Variants in SOCS2 observed in about 807,000 individuals in gnomAD.
The protein encoded by SOCS2 is suppressor of cytokine signaling 2, also known as CIS-2.
Under a neutral mutation model 18.6 loss-of-function variants are expected in SOCS2, and 10 were observed. The observed-to-expected ratio is 0.54, with a 90% CI of 0.33 to 0.91. The LOEUF (loss-of-function observed/expected upper bound fraction) is 0.91. Among genes scored for constraint, SOCS2 ranks in the 40% least tolerant of loss-of-function variants. The probability of loss-of-function intolerance (pLI) is 0.02; values close to 1 mark genes in which losing one functional copy is unlikely to be tolerated. For synonymous variants in SOCS2, 104 were observed against 104.0 expected (o/e 1.00, Z 0.00); for missense variants, 231 against 247.2 (o/e 0.93, Z 0.44).
At chr12:93,600,347 C>T in the SOCS2 span, among the ~76,000 whole-genome samples, 1 of 151,844 alleles carries the variant, frequency 6.6e-6, no homozygotes, top group African/African-American at 2.4e-5. Context: ...TTCTATTTGT[C>T]CGTCTCCACA....
chr12:93,623,723 T>G, the SOCS2 span, among the ~76,000 whole-genome samples: 6 of 152,170 alleles, frequency 3.9e-5, no homozygotes, highest in African/African-American at 1.4e-4. Flanking sequence ...TTTTTTTTTT[T>G]TGAGACAGGG....
downstream of SOCS2, among the ~76,000 whole-genome samples, chr12:93,584,150 GAAC>G (rs1592838252): frequency 6.6e-6 from 1 of 152,174 alleles, no homozygotes; most frequent in East Asian, 1.9e-4. Context: ...CAGGGAGACA[GAAC>G]AATAGAAAAG....
chr12:93,573,160 C>A, intron 1 of SOCS2, 124 bp downstream of exon 1: 1 of 1,271,376 alleles, frequency 7.9e-7, no homozygotes, highest in East Asian at 2.5e-5. Flanking sequence ...TTCCAAGGGA[C>A]CGCGGAGAGC....
At chr12:93,602,908 T>C in the SOCS2 span, among the ~76,000 whole-genome samples, 1 of 152,178 alleles carries the variant, frequency 6.6e-6, no homozygotes, top group African/African-American at 2.4e-5. Context: ...TCCATCTTTG[T>C]AGTTTTCTAG....
At chr12:93,586,378 C>G (rs1954585192), downstream of SOCS2, among the ~76,000 whole-genome samples, 1 of 152,132 alleles carries the variant, frequency 6.6e-6, no homozygotes. Flanking sequence ...AGACTTGAAG[C>G]TTTTCAGGCA....
the SOCS2 span, among the ~76,000 whole-genome samples, chr12:93,603,973 G>C: frequency 6.6e-6 from 1 of 152,234 alleles, no homozygotes; most frequent in East Asian, 1.9e-4. Flanking sequence ...CATGTAAATG[G>C]CATATGGAAA....
At position 93,583,007 on chromosome 12, in the gene SOCS2, T is replaced by TG. The variant is rs1037534904; in HGVS notation, c.117-16_117-15insG. The TG allele has an allele frequency of 3.4e-4, 51 of 152,026 alleles. 1 individual carries two copies. Among genetic ancestry groups the TG allele is most frequent in the African/African-American group, 1.2e-3 (51 of 41,458 alleles). The allele number at this position is 152,026 out of a possible 1,614,324, so 9.4% of individuals were successfully genotyped here. A position where few individuals can be genotyped will look rare whatever the true frequency, so the allele number is the denominator to read the frequency against. On this transcript the variant is annotated splice_polypyrimidine_tract_variant and intron_variant, in intron 1 of 1. Coordinates refer to the SOCS2 transcript ENST00000549510. Reference sequence around the variant, plus strand: ...TTCTTAACTCTGGGTTTTGTTTTTTTTTTTTTTTTTCACAGCCAGCTGTTT... The same window carrying TG: ...TTCTTAACTCTGGGTTTTGTTTTTTTGTTTTTTTTTTCACAGCCAGCTGTTT...
downstream of SOCS2, among the ~76,000 whole-genome samples, chr12:93,585,981 T>C (rs757746999): frequency 2.0e-5 from 3 of 152,220 alleles, no homozygotes; most frequent in Non-Finnish European, 4.4e-5. Context: ...ACTATGTAAA[T>C]AGTTGTTATA....
chr12:93,581,709 CCTT>C (rs1954543175), downstream of SOCS2, among the ~76,000 whole-genome samples: 2 of 152,006 alleles, frequency 1.3e-5, no homozygotes, highest in Non-Finnish European at 2.9e-5. Flanking sequence ...CTTTCTCCCT[CCTT>C]CTCTCCTTTC....
the SOCS2 span, among the ~76,000 whole-genome samples, chr12:93,611,608 C>A: frequency 1.3e-5 from 2 of 152,154 alleles, no homozygotes; most frequent in South Asian, 4.1e-4. Context: ...GCAACCAAAG[C>A]ACCTAATTGC....
the SOCS2 span, among the ~76,000 whole-genome samples, chr12:93,592,917 C>CTTTT: frequency 1.2e-4 from 13 of 107,368 alleles, no homozygotes; most frequent in East Asian, 5.3e-4. Context: ...ACTGAGAAAG[C>CTTTT]TTTTTTTTTT....
chr12:93,571,672 A>G (rs868459172), upstream of SOCS2: 1 of 254,844 alleles, frequency 3.9e-6, no homozygotes. Context: ...CGAGGCAATG[A>G]TCCTCGAGGC....
At chr12:93,598,624 CA>C in the SOCS2 span, among the ~76,000 whole-genome samples, 1 of 152,114 alleles carries the variant, frequency 6.6e-6, no homozygotes, top group Non-Finnish European at 1.5e-5. Context: ...AACATTGTTT[CA>C]AAATTTACTT....
chr12:93,591,770 T>C, the SOCS2 span, among the ~76,000 whole-genome samples: 2 of 152,110 alleles, frequency 1.3e-5, no homozygotes, highest in Non-Finnish European at 1.5e-5. Context: ...GCGTTTCACT[T>C]TGGAAGCGCA....
chr12:93,586,715 T>C (rs1954586702), downstream of SOCS2, among the ~76,000 whole-genome samples: 1 of 152,270 alleles, frequency 6.6e-6, no homozygotes, highest in Non-Finnish European at 1.5e-5. Context: ...CTAACCCAGA[T>C]TGAAACTTTG....
chr12:93,583,598 A>T (rs1485620377), downstream of SOCS2: 1 of 152,102 alleles, frequency 6.6e-6, no homozygotes, highest in East Asian at 1.9e-4. Flanking sequence ...GGGTAATCAG[A>T]TGTCTCAAGC....
chr12:93,606,758 T>A, the SOCS2 span, among the ~76,000 whole-genome samples: 35 of 152,132 alleles, frequency 2.3e-4, no homozygotes, highest in Non-Finnish European at 1.5e-4. Flanking sequence ...GTTCAAGTGA[T>A]CCTCCTGCCT....
chr12:93,602,753 G>C, the SOCS2 span, among the ~76,000 whole-genome samples: 1 of 152,146 alleles, frequency 6.6e-6, no homozygotes, highest in Non-Finnish European at 1.5e-5. Context: ...CAGGAAAGAA[G>C]GGGGCTCTTT....
At chr12:93,611,959 G>A in the SOCS2 span, among the ~76,000 whole-genome samples, 2 of 150,712 alleles carry the variant, frequency 1.3e-5, no homozygotes, top group African/African-American at 4.9e-5. Context: ...TGCTTTTTTT[G>A]TTTGATCAGC....
Sources: allele counts gnomAD v4.1 joint callset (sites outside exome capture counted in the v4.1 genomes callset), GRCh38; gene constraint gnomAD v4.1.1; transcripts MANE v1.5; gene names NCBI Gene and HGNC (gene_info 2026-07-23, HGNC 2026-07-21).